Variants in KCNQ5 observed in about 807,000 individuals in gnomAD.
KCNQ5 encodes potassium voltage-gated channel subfamily KQT member 5.
In KCNQ5, 30 loss-of-function variants were observed where a neutral mutation model predicts 98.2. The ratio of observed to expected loss-of-function variants is 0.31; its 90% CI spans 0.23 to 0.41. The LOEUF (loss-of-function observed/expected upper bound fraction) is 0.41, where lower values mean the gene tolerates loss of function less well. Among genes scored for constraint, KCNQ5 ranks in the 10% least tolerant of loss-of-function variants. The pLI is 1.00. For synonymous variants in KCNQ5, 458 were observed against 449.4 expected (o/e 1.02, Z -0.24); for missense variants, 835 against 1,182.5 (o/e 0.71, Z 4.31).
At chr6:72,726,483 G>T (rs1468320797) in intron 1 of KCNQ5, among the ~76,000 whole-genome samples, 1 of 152,118 alleles carries the variant, frequency 6.6e-6, no homozygotes, top group African/African-American at 2.4e-5. Context: ...AAAGTGCTAG[G>T]ATTACAGGCG....
chr6:73,177,504 G>A (rs1778256176), intron 11 of KCNQ5, among the ~76,000 whole-genome samples: 1 of 152,150 alleles, frequency 6.6e-6, no homozygotes, highest in Admixed American at 6.5e-5. Flanking sequence ...GGCATGTATG[G>A]GACCATTATC....
chr6:73,145,401 T>C (rs1397425404), intron 10 of KCNQ5, among the ~76,000 whole-genome samples: 1 of 152,248 alleles, frequency 6.6e-6, no homozygotes, highest in Non-Finnish European at 1.5e-5. Context: ...TTAGCATGTT[T>C]TCTTTCATAT....
intron 1 of KCNQ5, among the ~76,000 whole-genome samples, chr6:72,746,064 C>CAAAAAAAAAAAAAAAAA (rs59726566): frequency 5.0e-5 from 4 of 80,150 alleles, no homozygotes; most frequent in African/African-American, 1.4e-4. Context: ...ACTCTATTTG[C>CAAAAAAAAAAAAAAAAA]AAAAAAAAAA....
intron 1 of KCNQ5, among the ~76,000 whole-genome samples, chr6:72,776,517 C>T (rs1323392783): frequency 6.6e-6 from 1 of 152,126 alleles, no homozygotes; most frequent in African/African-American, 2.4e-5. Flanking sequence ...TAAAAATTAA[C>T]TTTCACTCCA....
intron 5 of KCNQ5, among the ~76,000 whole-genome samples, chr6:73,088,210 G>A (rs944733363): frequency 2.0e-5 from 3 of 151,734 alleles, no homozygotes; most frequent in Admixed American, 1.3e-4. Context: ...TAGTGGAGAT[G>A]GAGTTTCACC....
At chr6:72,648,364 G>A (rs1460566008) in intron 1 of KCNQ5, among the ~76,000 whole-genome samples, 1 of 152,094 alleles carries the variant, frequency 6.6e-6, no homozygotes, top group African/African-American at 2.4e-5. Context: ...GGATAATAAT[G>A]AGTAAATAAC....
Position 72,881,960 on chromosome 6 carries a change from G to A in KCNQ5, c.399-121948G>A, listed in dbSNP as rs140503672. 6.0e-4 allele frequency among the ~76,000 whole-genome samples: 92 copies of A among 152,236 alleles called. 1 individual carries two copies. The highest frequency in any genetic ancestry group is 2.8e-3 in the Admixed American group (43 of 15,288). On this transcript the variant is annotated intron_variant, in intron 1 of 13. Transcript: ENST00000370398. ...CCCGCCTCGACCTCCCAAAGTGCTG[G>A]GATTACAAGCGTGAGCCACCACACC... is the stretch of plus-strand genomic sequence containing the variant.
chr6:72,870,456 G>A (rs1778156816), intron 1 of KCNQ5, among the ~76,000 whole-genome samples: 1 of 151,912 alleles, frequency 6.6e-6, no homozygotes, highest in South Asian at 2.1e-4. Context: ...TCGCCATGTT[G>A]TCCAGGCTGC....
chr6:73,137,677 G>A (rs1401446659), intron 10 of KCNQ5, among the ~76,000 whole-genome samples: 1 of 152,012 alleles, frequency 6.6e-6, no homozygotes, highest in Non-Finnish European at 1.5e-5. Context: ...CCCCTATGGA[G>A]TAGCTGAGGT....
chr6:73,097,078 T>C (rs1774536236), intron 5 of KCNQ5, among the ~76,000 whole-genome samples: 1 of 149,960 alleles, frequency 6.7e-6, no homozygotes, highest in African/African-American at 2.4e-5. Flanking sequence ...AAATTTAGTC[T>C]TAGTAATTTT....
intron 5 of KCNQ5, among the ~76,000 whole-genome samples, chr6:73,084,089 T>C (rs1374854554): frequency 6.6e-6 from 1 of 152,150 alleles, no homozygotes; most frequent in Non-Finnish European, 1.5e-5. Flanking sequence ...AGCATCCTCA[T>C]GGTTCACCCG....
At chr6:73,002,932 G>T (rs913507035) in intron 1 of KCNQ5, among the ~76,000 whole-genome samples, 1 of 152,162 alleles carries the variant, frequency 6.6e-6, no homozygotes, top group Non-Finnish European at 1.5e-5. Context: ...GGGGAAGCAA[G>T]GAGGAGTCAG....
intron 1 of KCNQ5, among the ~76,000 whole-genome samples, chr6:72,634,474 A>G (rs1174049986): frequency 6.6e-6 from 1 of 152,138 alleles, no homozygotes; most frequent in Non-Finnish European, 1.5e-5. Flanking sequence ...TAGTTTGTGT[A>G]TGTAAAGAAA....
intron 1 of KCNQ5, among the ~76,000 whole-genome samples, chr6:72,723,027 T>C (rs1770058473): frequency 6.6e-6 from 1 of 151,986 alleles, no homozygotes. Context: ...TTTCTGTATC[T>C]TTTGTAGAGA....
intron 1 of KCNQ5, among the ~76,000 whole-genome samples, chr6:72,983,971 T>A (rs112460143): frequency 1.3e-3 from 197 of 152,252 alleles, no homozygotes; most frequent in African/African-American, 4.5e-3. Context: ...GGCGGTCCAC[T>A]CCTGGCGGTC....
chr6:72,759,818 G>T (rs904546264), intron 1 of KCNQ5, among the ~76,000 whole-genome samples: 1 of 151,954 alleles, frequency 6.6e-6, no homozygotes, highest in Non-Finnish European at 1.5e-5. Flanking sequence ...AGTAAAAAAA[G>T]TGCAAATATC....
chr6:72,678,503 C>T (rs1200490521), intron 1 of KCNQ5: 1 of 146,940 alleles, frequency 6.8e-6, no homozygotes, highest in African/African-American at 2.6e-5. Context: ...TAAAACCTTG[C>T]ATTAGTGGCA....
intron 1 of KCNQ5, among the ~76,000 whole-genome samples, chr6:72,693,908 T>C (rs192053083): frequency 6.6e-6 from 1 of 152,332 alleles, no homozygotes; most frequent in East Asian, 1.9e-4. Flanking sequence ...CAGCTTCAGA[T>C]GTTTAGTTTC....
At chr6:72,727,685 A>T (rs1770357009) in intron 1 of KCNQ5, among the ~76,000 whole-genome samples, 2 of 152,168 alleles carry the variant, frequency 1.3e-5, no homozygotes, top group Admixed American at 1.3e-4. Context: ...TGCATAATAT[A>T]TTACCTAAAC....
Sources: gnomAD v4.1 joint callset for allele counts (sites outside exome capture counted in the v4.1 genomes callset) on GRCh38, gnomAD v4.1.1 for gene constraint, MANE v1.5 for transcripts, NCBI Gene and HGNC (gene_info 2026-07-23, HGNC 2026-07-21) for gene names.